CCDC88C: variants seen among roughly 807,000 people sequenced by gnomAD.
CCDC88C encodes the protein protein Daple.
CCDC88C carries 131 observed loss-of-function variants against 198.8 expected under a neutral mutation model. That is an observed-to-expected ratio of 0.66 (90% confidence interval 0.57 to 0.76). CCDC88C has a LOEUF of 0.76. CCDC88C is among the 30% of genes least tolerant of loss of function. The pLI is 0.00. For synonymous variants in CCDC88C, 1,166 were observed against 1,114.7 expected (o/e 1.05, Z -0.92); for missense variants, 2,553 against 2,631.6 (o/e 0.97, Z 0.65).
chr14:91,302,960 C>T (rs549852226), intron 20 of CCDC88C, among the ~76,000 whole-genome samples: 5 of 152,316 alleles, frequency 3.3e-5, no homozygotes, highest in Admixed American at 2.6e-4. Flanking sequence ...ATAGTAGAGG[C>T]ATCCCCTTCT....
In CCDC88C at chr14:91,339,208, G is replaced by A; in HGVS notation, c.809+70C>T. 6.4e-7 allele frequency: 1 copy of A among 1,558,288 alleles called. No homozygotes were observed. The highest frequency in any genetic ancestry group is 8.8e-7 in the Non-Finnish European group (1 of 1,142,838). ...CTGTGCCATTGGCAGCACCACACAT[G>A]TGAGTCGACACCACACCAGAAACAT... On this transcript the variant is annotated intron_variant, in intron 8 of 29. Coordinates refer to ENST00000389857, the MANE Select transcript of CCDC88C (RefSeq NM_001080414.4). This position sits in a 1 kb window ranked among gnomAD's most constrained non-coding sequence, Gnocchi z 5.8.
chr14:91,317,794 G>A (rs1359986369), intron 13 of CCDC88C, among the ~76,000 whole-genome samples: 2 of 152,224 alleles, frequency 1.3e-5, no homozygotes, highest in African/African-American at 2.4e-5. Context: ...GTCGGGCCAG[G>A]GAGGAAGTGG....
chr14:91,376,489 G>C (rs1884422941), intron 3 of CCDC88C, among the ~76,000 whole-genome samples: 1 of 152,208 alleles, frequency 6.6e-6, no homozygotes, highest in African/African-American at 2.4e-5. Flanking sequence ...GGTAGTGAGG[G>C]ACTTTTATCC....
At chr14:91,351,681 T>G (rs12589086) in intron 4 of CCDC88C, among the ~76,000 whole-genome samples, 15,492 of 152,004 alleles carry the variant, frequency 0.1, 995 homozygotes, top group Admixed American at 0.14. Flanking sequence ...AAACGTGGAC[T>G]CTGGCAGGCG....
At chr14:91,374,227 A>G (rs967639061) in intron 3 of CCDC88C, among the ~76,000 whole-genome samples, 3 of 152,226 alleles carry the variant, frequency 2.0e-5, no homozygotes, top group African/African-American at 4.8e-5. Context: ...AACAGCAATA[A>G]ATCAGCATGC....
chr14:91,350,821 C>T (rs2139885245), intron 4 of CCDC88C, among the ~76,000 whole-genome samples: 1 of 152,278 alleles, frequency 6.6e-6, no homozygotes, highest in Admixed American at 6.5e-5. Flanking sequence ...CTACAGACCA[C>T]CATTACTGCA....
intron 3 of CCDC88C, among the ~76,000 whole-genome samples, chr14:91,361,129 T>TA (rs58164336): frequency 0.34 from 40,404 of 117,834 alleles, 6,005 homozygotes; most frequent in Non-Finnish European, 0.39. Flanking sequence ...ACCCTGTCTA[T>TA]AAAAAAAAAA....
At chr14:91,404,343 G>A (rs769312489) in intron 3 of CCDC88C, among the ~76,000 whole-genome samples, 5 of 152,166 alleles carry the variant, frequency 3.3e-5, no homozygotes, top group Non-Finnish European at 5.9e-5. Flanking sequence ...TGAATCTGGT[G>A]TATGTGATGG....
chr14:91,379,802 C>G, intron 3 of CCDC88C: 1 of 702,892 alleles, frequency 1.4e-6, no homozygotes, highest in Non-Finnish European at 2.6e-6. Flanking sequence ...TGTCCACTTC[C>G]ACTGGGTTTG....
intron 10 of CCDC88C, among the ~76,000 whole-genome samples, chr14:91,331,209 A>G (rs1892811692): frequency 1.3e-5 from 2 of 152,174 alleles, no homozygotes; most frequent in Admixed American, 1.3e-4. Flanking sequence ...CTTTGAGCCC[A>G]GGGAGAGGCA....
intron 12 of CCDC88C, among the ~76,000 whole-genome samples, chr14:91,324,192 A>AC (rs1372083918): frequency 6.6e-6 from 1 of 152,142 alleles, no homozygotes; most frequent in Non-Finnish European, 1.5e-5. Context: ...GCTTCCCATG[A>AC]CCGACACCTC....
intron 10 of CCDC88C, among the ~76,000 whole-genome samples, chr14:91,330,187 A>G (rs1892759524): frequency 6.6e-6 from 1 of 152,244 alleles, no homozygotes; most frequent in Admixed American, 6.5e-5. Context: ...CCACGTGATG[A>G]GCACTGCCTG....
intron 3 of CCDC88C, among the ~76,000 whole-genome samples, chr14:91,394,856 C>G (rs910316644): frequency 2.6e-5 from 4 of 152,206 alleles, no homozygotes; most frequent in Non-Finnish European, 4.4e-5. Context: ...GCGCATTACT[C>G]CGGGAGGGGT....
intron 3 of CCDC88C, among the ~76,000 whole-genome samples, chr14:91,385,773 G>A (rs1885094334): frequency 6.6e-6 from 1 of 151,824 alleles, no homozygotes; most frequent in South Asian, 2.1e-4. Flanking sequence ...AGACCAGCCT[G>A]GGCAACATAG....
intron 3 of CCDC88C, among the ~76,000 whole-genome samples, chr14:91,368,216 C>T (rs1239315261): frequency 1.3e-5 from 2 of 152,168 alleles, no homozygotes; most frequent in Non-Finnish European, 2.9e-5. Context: ...TCTGCTCTAT[C>T]ACTGCAATGA....
intron 2 of CCDC88C, among the ~76,000 whole-genome samples, chr14:91,410,319 T>C (rs899603725): frequency 2.6e-5 from 4 of 152,196 alleles, no homozygotes; most frequent in Non-Finnish European, 5.9e-5. Flanking sequence ...TCACAGTTTC[T>C]TCTGTTATCC....
chr14:91,412,440 CTTT>C (rs11314102), intron 2 of CCDC88C, among the ~76,000 whole-genome samples: 6 of 138,612 alleles, frequency 4.3e-5, no homozygotes, highest in East Asian at 2.1e-4. Flanking sequence ...GTATTTTTTT[CTTT>C]TTTTTTTTTT....
chr14:91,408,841 A>T (rs965773122), intron 2 of CCDC88C, 74 bp from the exon 3 acceptor site: 12 of 966,024 alleles, frequency 1.2e-5, no homozygotes, highest in Non-Finnish European at 2.0e-5. Flanking sequence ...GCCACGACCC[A>T]GCATCTTGTC....
intron 15 of CCDC88C, 70 bp from the exon 16 acceptor site, chr14:91,310,056 C>T (rs947079241): frequency 1.2e-5 from 17 of 1,446,294 alleles, no homozygotes; most frequent in African/African-American, 5.7e-5. Context: ...GCGCCAGTCC[C>T]GCCCGGGTGT....
Sources: allele counts gnomAD v4.1 joint callset (sites outside exome capture counted in the v4.1 genomes callset), GRCh38; gene constraint gnomAD v4.1.1; non-coding constraint Gnocchi (gnomAD v3.1); transcripts MANE v1.5; gene names NCBI Gene and HGNC (gene_info 2026-07-23, HGNC 2026-07-21).